The following CYFIP1 variants were observed in gnomAD, a reference collection of about 807,000 sequenced individuals.
CYFIP1 encodes cytoplasmic FMR1-interacting protein 1.
A neutral mutation model predicts 163.5 loss-of-function variants in CYFIP1; 58 were observed. The ratio of observed to expected loss-of-function variants is 0.35; its 90% CI spans 0.29 to 0.44. CYFIP1 has a LOEUF of 0.44. Among genes scored for constraint, CYFIP1 ranks in the 20% least tolerant of loss-of-function variants. The pLI is 1.00. For synonymous variants in CYFIP1, 663 were observed against 660.7 expected (o/e 1.00, Z -0.05); for missense variants, 1,338 against 1,653.8 (o/e 0.81, Z 3.31).
intron 1 of CYFIP1, among the ~76,000 whole-genome samples, chr15:22,972,148 TAC>T (rs1413885812): frequency 2.0e-5 from 3 of 152,066 alleles, no homozygotes; most frequent in Non-Finnish European, 4.4e-5. Flanking sequence ...CAGAATATAC[TAC>T]AGAGGCTGGG....
chr15:22,953,973 G>A (rs8037834), intron 1 of CYFIP1, among the ~76,000 whole-genome samples: 59,915 of 151,958 alleles, frequency 0.39, 13,241 homozygotes, highest in East Asian at 0.76. Context: ...GGAAAATGGC[G>A]TGAACCCGGG....
intron 13 of CYFIP1, among the ~76,000 whole-genome samples, chr15:22,920,158 G>GT (rs2061124161): frequency 3.5e-4 from 40 of 112,892 alleles, no homozygotes; most frequent in Non-Finnish European, 6.8e-4. Flanking sequence ...AATTAAGGCA[G>GT]CTTTTTTTTT....
intron 15 of CYFIP1, 73 bp from the exon 16 acceptor site, chr15:22,916,703 C>T (rs1566968345): frequency 6.2e-7 from 1 of 1,614,116 alleles, no homozygotes. Context: ...ACTCAAAAAG[C>T]CCATGAGAGA....
intron 13 of CYFIP1, among the ~76,000 whole-genome samples, chr15:22,925,608 G>A (rs909807166): frequency 1.1e-4 from 17 of 152,192 alleles, no homozygotes; most frequent in African/African-American, 3.6e-4. Context: ...AGTTGATGCT[G>A]GAATGAAGAG....
intron 21 of CYFIP1, among the ~76,000 whole-genome samples, chr15:22,907,199 T>C (rs1174374986): frequency 6.6e-6 from 1 of 152,256 alleles, no homozygotes; most frequent in Non-Finnish European, 1.5e-5. Context: ...CCCTGAAACC[T>C]GTTCTCATCT....
intron 22 of CYFIP1, among the ~76,000 whole-genome samples, chr15:22,893,641 G>A (rs1420783516): frequency 2.6e-5 from 4 of 152,184 alleles, no homozygotes; most frequent in African/African-American, 7.2e-5. Flanking sequence ...AGATGTAATT[G>A]TGAAAATACT....
chr15:22,974,180 T>C (rs1487906091), intron 1 of CYFIP1, among the ~76,000 whole-genome samples: 1 of 152,166 alleles, frequency 6.6e-6, no homozygotes, highest in Non-Finnish European at 1.5e-5. Context: ...GTTGGGTATA[T>C]ATCTAAAAGA....
chr15:22,910,154 C>A (rs368025413), intron 20 of CYFIP1, among the ~76,000 whole-genome samples: 130 of 152,012 alleles, frequency 8.6e-4, no homozygotes, highest in African/African-American at 3.1e-3. Flanking sequence ...AAATCTCAAT[C>A]ATTTTTTTTT....
Position 22,947,099 on chromosome 15 carries a change from G to A in CYFIP1, c.118-7C>T, listed in dbSNP as rs1355655493. On this transcript the variant is annotated splice_polypyrimidine_tract_variant and splice_region_variant and intron_variant, in intron 2 of 30. Coordinates refer to ENST00000617928, the MANE Select transcript of CYFIP1 (RefSeq NM_014608.6). ...AGTTAGTGTTGAAATTTGGCTGAAG[G>A]AAAGGAAGAGAAAAACATCATGTGG... 6.2e-6 allele frequency: 10 copies of A among 1,614,126 alleles called. No individual in the cohort carries two copies. The highest frequency in any genetic ancestry group is 2.2e-5 in the East Asian group (1 of 44,874).
chr15:22,965,920 G>A (rs2062886206), intron 1 of CYFIP1, among the ~76,000 whole-genome samples: 1 of 152,160 alleles, frequency 6.6e-6, no homozygotes, highest in Non-Finnish European at 1.5e-5. Context: ...GGGCTGAACT[G>A]TGTGCTCTCA....
rs564565744 is a variant in CYFIP1, at chr15:22,939,767, C to T, written c.570-260G>A. ...TCTCCACCCGGCTGGTCACAGCTGA[C>T]GGCTCCCTGCAGGGTCCCTGCACAC... On this transcript the variant is annotated intron_variant, in intron 6 of 30. Transcript: ENST00000617928. 3.3e-5 allele frequency among the ~76,000 whole-genome samples: 5 copies of T among 152,224 alleles called. No homozygotes were observed. The South Asian group carries it at 6.2e-4, about 19-fold the overall frequency.
rs1316208377 is a variant in CYFIP1, at chr15:22,943,170, C to T, written c.569+3G>A. 15 of 1,613,904 alleles carry T rather than the reference C, an allele frequency of 9.3e-6. No individual in the cohort carries two copies. The highest frequency in any genetic ancestry group is 1.2e-5 in the Non-Finnish European group (14 of 1,179,882). On this transcript the variant is annotated splice_donor_region_variant and intron_variant, in intron 6 of 30. Transcript: ENST00000617928. ...GCCCGCAGTGCGCGAGGTGGGTGCT[C>T]ACCTCTTGTACGCTGAGTGGTCGTT...
chr15:22,977,470 T>C (rs538725723), intron 1 of CYFIP1, among the ~76,000 whole-genome samples: 1 of 152,298 alleles, frequency 6.6e-6, no homozygotes, highest in Non-Finnish European at 1.5e-5. Flanking sequence ...CCTCTAAGGG[T>C]TGGCTAAATT....
intron 22 of CYFIP1, among the ~76,000 whole-genome samples, chr15:22,900,422 G>A (rs947657375): frequency 7.5e-4 from 110 of 147,088 alleles, no homozygotes; most frequent in African/African-American, 2.6e-3. Context: ...TTTTTGAGAC[G>A]GAGTCTCACT....
At chr15:22,948,034 G>A (rs74450329) in intron 1 of CYFIP1, 252,395 of 978,112 alleles carry the variant, frequency 0.26, 33,631 homozygotes, top group Admixed American at 0.32. Flanking sequence ...CACATTCTAT[G>A]AAGGAAAGAG....
rs770211235 is a variant in CYFIP1, at chr15:22,881,950, G to C, written c.2821-14C>G. 6.2e-7 allele frequency: 1 copy of C among 1,609,522 alleles called. No individual in the cohort carries two copies. The highest frequency in any genetic ancestry group is 1.1e-5 in the South Asian group (1 of 90,960). The stretch of plus-strand genomic sequence containing the variant: ...TGTGCCTTGCAGCTGCCGGGGAGAT[G>C]AGACGGGCTGCGTCAGCCACCCCAC... On this transcript the variant is annotated splice_polypyrimidine_tract_variant and intron_variant, in intron 24 of 30. Transcript: ENST00000617928.
Position 22,914,711 on chromosome 15 carries a change from C to T in CYFIP1, c.1985+15G>A. On this transcript the variant is annotated intron_variant, in intron 17 of 30. Coordinates refer to ENST00000617928, the MANE Select transcript of CYFIP1 (RefSeq NM_014608.6). ...CCACACACAAAGGCTGGAGACAGGC[C>T]CGCAGGACACGCACTCCATCATCGA... 1 of 1,602,292 alleles carries T rather than the reference C, an allele frequency of 6.2e-7. No homozygotes were observed. Among genetic ancestry groups the T allele is most frequent in the Non-Finnish European group, 8.5e-7 (1 of 1,173,578 alleles).
intron 21 of CYFIP1, chr15:22,904,623 C>T (rs566856277): frequency 2.0e-5 from 3 of 152,362 alleles, no homozygotes; most frequent in Non-Finnish European, 4.4e-5. Context: ...TCTAATGAGA[C>T]TATGGGAAAA....
intron 26 of CYFIP1, 46 bp downstream of exon 26, chr15:22,879,867 T>A (rs879395776): frequency 1.0e-6 from 1 of 993,236 alleles, no homozygotes; most frequent in South Asian, 1.7e-5. Flanking sequence ...TGGGGTGGGG[T>A]GGGGTGGGCT....
Sources: gnomAD v4.1 joint callset for allele counts (sites outside exome capture counted in the v4.1 genomes callset) on GRCh38, gnomAD v4.1.1 for gene constraint, MANE v1.5 for transcripts, NCBI Gene and HGNC (gene_info 2026-07-23, HGNC 2026-07-21) for gene names.